NME7: variants seen among roughly 807,000 people sequenced by gnomAD.
NME7 encodes NME/NM23 family member 7, also known as nucleoside diphosphate kinase 7.
NME7 carries 41 observed loss-of-function variants against 49.1 expected under a neutral mutation model. That is an observed-to-expected ratio of 0.83 (90% CI 0.65 to 1.08). The LOEUF (loss-of-function observed/expected upper bound fraction) is 1.08. Ranked by LOEUF, NME7 falls within the 50% of genes least tolerant of loss-of-function variation. The pLI is 0.00. For synonymous variants in NME7, 139 were observed against 150.6 expected, an observed-to-expected ratio of 0.92 and a Z score of 0.56; for missense variants, 423 against 463.4, an observed-to-expected ratio of 0.91 and a Z score of 0.80.
intron 10 of NME7, among the ~76,000 whole-genome samples, chr1:169,187,688 T>C (rs1219260174): frequency 2.6e-5 from 4 of 152,186 alleles, no homozygotes; most frequent in Non-Finnish European, 5.9e-5. Context: ...CACTGATGGG[T>C]CTTGACTCTT....
At chr1:169,275,878 G>C (rs547055167) in intron 7 of NME7, among the ~76,000 whole-genome samples, 3 of 133,614 alleles carry the variant, frequency 2.2e-5, no homozygotes, top group African/African-American at 7.6e-5. Context: ...CTAATTTATT[G>C]AGAGTTTTTA....
At chr1:169,169,652 A>C in intron 10 of NME7, 98 bp from the exon 11 acceptor site, 8 of 1,061,162 alleles carry the variant, frequency 7.5e-6, no homozygotes, top group Non-Finnish European at 1.1e-5. Flanking sequence ...TATGAAATAC[A>C]TGTTATATAT....
intron 1 of NME7, among the ~76,000 whole-genome samples, chr1:169,357,979 T>C (rs536845486): frequency 6.6e-6 from 1 of 152,218 alleles, no homozygotes; most frequent in East Asian, 1.9e-4. Flanking sequence ...TTATTGAAAC[T>C]GGTCTCAAGA....
intron 3 of NME7, among the ~76,000 whole-genome samples, chr1:169,314,656 T>A (rs368483844): frequency 6.6e-6 from 1 of 152,040 alleles, no homozygotes; most frequent in Non-Finnish European, 1.5e-5. Flanking sequence ...TGATTGGATT[T>A]TAAAGCCTAG....
chr1:169,197,727 G>T (rs1660429591), intron 10 of NME7, among the ~76,000 whole-genome samples: 1 of 151,942 alleles, frequency 6.6e-6, no homozygotes. Context: ...TGAATAAAAG[G>T]CCTAAAAGCA....
rs537251237 is a variant in NME7 at position 169,259,661 on chromosome 1, T to C, written c.755-21974A>G. Among the ~76,000 whole-genome samples, 32 of 134,220 alleles carry C rather than the reference T, an allele frequency of 2.4e-4. 4 individuals carry two copies. The highest frequency in any genetic ancestry group is 6.3e-4 in the African/African-American group (25 of 39,658). The allele number at this position is 134,220 out of a possible 152,430, so 88.1% of individuals were successfully genotyped here. A position where few individuals can be genotyped will look rare whatever the true frequency, so the allele number is the denominator to read the frequency against. On this transcript the variant is annotated intron_variant, in intron 7 of 11. Transcript: ENST00000367811. ...GCATGTTTTGAATCACATTAACAGATTAAATAAAAATCTATGATGCAAAGC... is the reference window on the plus strand; with the variant it reads ...GCATGTTTTGAATCACATTAACAGACTAAATAAAAATCTATGATGCAAAGC...
intron 1 of NME7, among the ~76,000 whole-genome samples, chr1:169,334,449 A>G (rs1447826116): frequency 6.6e-6 from 1 of 152,252 alleles, no homozygotes; most frequent in Admixed American, 6.5e-5. Flanking sequence ...CCTGACAAAA[A>G]CAAGCAATGG....
chr1:169,143,245 A>G (rs140101047), intron 11 of NME7, among the ~76,000 whole-genome samples: 193 of 136,918 alleles, frequency 1.4e-3, no homozygotes, highest in African/African-American at 4.8e-3. Flanking sequence ...GCATGGCCCA[A>G]TCTCTATTTC....
Position 169,302,929 on chromosome 1 carries a change from AC to A in NME7, c.440+215del, listed in dbSNP as rs376185026. ...ATGTAAACAAATCTTTCTATTTGCA[AC>A]TGATTAAACTTTAAGATTTTTAATG... is the stretch of plus-strand genomic sequence containing the variant. On this transcript the variant is annotated intron_variant, in intron 5 of 11. Transcript: ENST00000367811. 2.0e-3 allele frequency among the ~76,000 whole-genome samples: 303 copies of A among 152,304 alleles called. 2 individuals carry two copies. The highest frequency in any genetic ancestry group is 6.9e-3 in the African/African-American group (285 of 41,586).
At chr1:169,228,601 C>T (rs1282819409) in intron 10 of NME7, among the ~76,000 whole-genome samples, 3 of 147,872 alleles carry the variant, frequency 2.0e-5, no homozygotes, top group Admixed American at 6.8e-5. Flanking sequence ...GGCGTGAACC[C>T]GGGAAGCGGA....
intron 10 of NME7, among the ~76,000 whole-genome samples, chr1:169,218,659 ATTTTT>A (rs34342694): frequency 8.5e-6 from 1 of 118,204 alleles, no homozygotes; most frequent in African/African-American, 3.3e-5. Flanking sequence ...CCAATTTTGA[ATTTTT>A]TTTTTTTTTT....
At chr1:169,244,990 A>G (rs2012763) in intron 7 of NME7, among the ~76,000 whole-genome samples, 57,298 of 151,938 alleles carry the variant, frequency 0.38, 11,516 homozygotes, top group East Asian at 0.79. Context: ...TTAGCCAGAC[A>G]TAGTGCCACA....
intron 1 of NME7, among the ~76,000 whole-genome samples, chr1:169,338,413 T>G (rs990309474): frequency 6.6e-6 from 1 of 152,238 alleles, no homozygotes; most frequent in Non-Finnish European, 1.5e-5. Flanking sequence ...ACTTAACTCC[T>G]GCTAAATTTT....
intron 2 of NME7, among the ~76,000 whole-genome samples, chr1:169,324,166 C>A (rs763757235): frequency 1.1e-4 from 16 of 151,860 alleles, no homozygotes; most frequent in Admixed American, 3.9e-4. Context: ...CCACTTCAGT[C>A]TTCTAACAAC....
intron 6 of NME7, among the ~76,000 whole-genome samples, chr1:169,295,809 A>G (rs1650684879): frequency 6.6e-6 from 1 of 152,084 alleles, no homozygotes; most frequent in Non-Finnish European, 1.5e-5. Context: ...CATTTCACAT[A>G]TTCTTCTCTC....
intron 7 of NME7, among the ~76,000 whole-genome samples, chr1:169,280,192 T>C (rs1193593353): frequency 2.6e-5 from 4 of 152,240 alleles, no homozygotes; most frequent in Non-Finnish European, 5.9e-5. Context: ...GTAATTTTGA[T>C]TTGCATTTCT....
At chr1:169,243,272 A>G (rs1361920186) in intron 7 of NME7, among the ~76,000 whole-genome samples, 2 of 152,208 alleles carry the variant, frequency 1.3e-5, no homozygotes, top group African/African-American at 4.8e-5. Flanking sequence ...AAAGTGCAAA[A>G]GCAATTCAAA....
intron 10 of NME7, among the ~76,000 whole-genome samples, chr1:169,229,563 A>G (rs974961408): frequency 6.6e-6 from 1 of 152,226 alleles, no homozygotes; most frequent in Non-Finnish European, 1.5e-5. Flanking sequence ...TAGATCACTG[A>G]CAACAGGAGT....
chr1:169,148,504 T>G (rs1046731612), intron 11 of NME7, among the ~76,000 whole-genome samples: 1 of 152,218 alleles, frequency 6.6e-6, no homozygotes, highest in African/African-American at 2.4e-5. Flanking sequence ...AGCTGTAATA[T>G]TTTATGAATG....
Sources: allele counts gnomAD v4.1 joint callset (sites outside exome capture counted in the v4.1 genomes callset), GRCh38; gene constraint gnomAD v4.1.1; transcripts MANE v1.5; gene names NCBI Gene and HGNC (gene_info 2026-07-23, HGNC 2026-07-21).